The following GPSM1 variants were observed in gnomAD, a reference collection of about 807,000 sequenced individuals.
GPSM1 encodes the protein G protein signaling modulator 1, also known as G protein-signaling modulator 1.
GPSM1 carries 48 observed loss-of-function variants against 70.5 expected under a neutral mutation model. That is an observed-to-expected ratio of 0.68 (90% CI 0.54 to 0.87). The LOEUF (loss-of-function observed/expected upper bound fraction) is 0.87, where lower values mean the gene tolerates loss of function less well. Ranked by LOEUF, GPSM1 falls within the 40% of genes least tolerant of loss-of-function variation. GPSM1 has a pLI of 0.00. For missense variants in GPSM1, 981 were observed against 972.6 expected (o/e 1.01, Z -0.11); for synonymous variants, 416 against 430.1 (o/e 0.97, Z 0.41).
At chr9:136,334,706 G>A (rs1554768957) in intron 2 of GPSM1, 38 bp downstream of exon 2, 4 of 1,531,806 alleles carry the variant, frequency 2.6e-6, no homozygotes, top group African/African-American at 2.8e-5. Flanking sequence ...TGAGTGGGGC[G>A]GCCCTGCTGG....
intron 12 of GPSM1, 43 bp downstream of exon 12, chr9:136,355,889 C>T (rs782511998): frequency 2.6e-6 from 4 of 1,521,910 alleles, no homozygotes; most frequent in Non-Finnish European, 3.6e-6. Flanking sequence ...GGCTTGTCTG[C>T]AGGGGCCAGG....
At chr9:136,357,164 C>T (rs1262998558) in intron 13 of GPSM1, among the ~76,000 whole-genome samples, 1 of 152,208 alleles carries the variant, frequency 6.6e-6, no homozygotes, top group Non-Finnish European at 1.5e-5. Context: ...CAACTGCTAT[C>T]CCAACTAGGA....
At chr9:136,347,173 C>T (rs782493384) in intron 9 of GPSM1, among the ~76,000 whole-genome samples, 3 of 152,092 alleles carry the variant, frequency 2.0e-5, no homozygotes, top group Non-Finnish European at 2.9e-5. Flanking sequence ...CTGCCCGGCC[C>T]GGCCCATCCA....
At chr9:136,345,173 G>A (rs1272813552) in intron 9 of GPSM1, among the ~76,000 whole-genome samples, 1 of 152,212 alleles carries the variant, frequency 6.6e-6, no homozygotes, top group South Asian at 2.1e-4. Context: ...GGCACAGGGG[G>A]CACCAAGATG....
Position 136,358,126 on chromosome 9 carries a change from T to C in GPSM1, c.1934T>C (p.Met645Thr), listed in dbSNP as rs782545530. The C allele has an allele frequency of 1.4e-5, 22 of 1,611,512 alleles. No homozygotes were observed. Among genetic ancestry groups the C allele is most frequent in the East Asian group, 2.2e-5 (1 of 44,850 alleles). Residue 645 changes from methionine (M) to threonine (T), a missense_variant, in exon 14 of 14, where the codon ATG becomes ACG. Met to Thr is a moderately conservative substitution (Grantham distance 81). Coordinates refer to ENST00000440944, the MANE Select transcript of GPSM1 (RefSeq NM_001145638.3). ...ATTCAGAGGGTGCAGGCTAAGCGCA[T>C]GGACGAGCAGCGGGTGGACCTCGCC... ...SLIQRVQAKR[M>T]DEQRVDLAGG...
Position 136,342,526 on chromosome 9 carries a change from G to A in GPSM1, c.1207+1533G>A, listed in dbSNP as rs1554770479. Among the ~76,000 whole-genome samples the A allele has an allele frequency of 6.6e-6, 1 of 152,120 alleles. No individual in the cohort carries two copies. The highest frequency in any genetic ancestry group is 2.4e-5 in the African/African-American group (1 of 41,442). ...GGGAAGGGTCCTCCTCCCCGCCCAG[G>A]GCAGCCCGGCAGCCTGGCTGGGGCC... On this transcript the variant is annotated intron_variant, in intron 9 of 13. Transcript: ENST00000440944. The surrounding 1 kb of genome is among the most constrained non-coding windows in gnomAD (Gnocchi z 5.5).
chr9:136,327,975 G>A (rs1239087509), intron 1 of GPSM1, among the ~76,000 whole-genome samples: 1 of 144,554 alleles, frequency 6.9e-6, no homozygotes, highest in African/African-American at 2.9e-5. Flanking sequence ...CAAGGGGAAG[G>A]GGGTGGGGGG....
intron 9 of GPSM1, among the ~76,000 whole-genome samples, chr9:136,348,477 C>T (rs1484552432): frequency 1.3e-5 from 2 of 152,230 alleles, no homozygotes; most frequent in Non-Finnish European, 2.9e-5. Context: ...CTGGCCCCAG[C>T]CAGGACGCGC....
chr9:136,349,520 C>T, intron 10 of GPSM1, 67 bp from the exon 11 acceptor site: 1 of 1,410,830 alleles, frequency 7.1e-7, no homozygotes, highest in Non-Finnish European at 9.6e-7. Flanking sequence ...GCCTTCCCTT[C>T]AGGGTCCTGG....
intron 9 of GPSM1, among the ~76,000 whole-genome samples, chr9:136,348,047 A>C (rs1335562852): frequency 6.6e-6 from 1 of 152,166 alleles, no homozygotes; most frequent in Non-Finnish European, 1.5e-5. Flanking sequence ...GTGTTGGGTC[A>C]GGCAGCTGTG....
At chr9:136,354,628 C>G (rs1295763830) in intron 11 of GPSM1, among the ~76,000 whole-genome samples, 1 of 152,230 alleles carries the variant, frequency 6.6e-6, no homozygotes, top group African/African-American at 2.4e-5. Context: ...CACCCTTCAG[C>G]CCTGGGGCCC....
chr9:136,334,295 G>T (rs1461742661), intron 1 of GPSM1, among the ~76,000 whole-genome samples, 152 bp from the exon 2 acceptor site: 2 of 152,260 alleles, frequency 1.3e-5, no homozygotes, highest in Non-Finnish European at 2.9e-5. Context: ...TTCCAGGCCT[G>T]TATCCCAAAG....
chr9:136,341,610 G>A lies in GPSM1; in HGVS notation c.1207+617G>A, dbSNP rs1260444652. 9.8e-7 allele frequency: 1 copy of A among 1,016,034 alleles called. No individual in the cohort carries two copies. The highest frequency in any genetic ancestry group is 1.2e-6 in the Non-Finnish European group (1 of 848,008). 62.9% of individuals were successfully genotyped at this position (1,016,034 alleles called of 1,614,324 possible). ...GACTTCCTGAGGTGGCTGGCAGGTGGGTGAGGGGCAGGCTTGGGGGGAGCA... is the reference window on the plus strand; with the variant it reads ...GACTTCCTGAGGTGGCTGGCAGGTGAGTGAGGGGCAGGCTTGGGGGGAGCA... On this transcript the variant is annotated intron_variant, in intron 9 of 13. Transcript: ENST00000440944. This position sits in a 1 kb window ranked among gnomAD's most constrained non-coding sequence, Gnocchi z 6.7.
At chr9:136,354,817 G>T in intron 11 of GPSM1, 1 of 993,842 alleles carries the variant, frequency 1.0e-6, no homozygotes, top group Non-Finnish European at 1.2e-6. Flanking sequence ...GCTGTGTAGG[G>T]CATGGACACA....
intron 13 of GPSM1, among the ~76,000 whole-genome samples, chr9:136,356,877 G>A (rs1358243324): frequency 6.6e-6 from 1 of 152,178 alleles, no homozygotes; most frequent in Admixed American, 6.5e-5. Context: ...CATGGCCTCA[G>A]GGATTCCCCA....
chr9:136,354,771 C>T (rs1306101907), intron 11 of GPSM1: 33 of 963,804 alleles, frequency 3.4e-5, no homozygotes, highest in Admixed American at 6.2e-5. Flanking sequence ...GGGGTTCATT[C>T]CTTCGAGTTC....
At chr9:136,338,803 C>T (rs782061686) in intron 7 of GPSM1, 93 bp downstream of exon 7, 3 of 1,252,180 alleles carry the variant, frequency 2.4e-6, no homozygotes, top group Non-Finnish European at 3.3e-6. Flanking sequence ...CCATCCCCTG[C>T]TCTGCCACTG....
In GPSM1 at chr9:136,356,428, C is replaced by T. The variant is rs868912036; in HGVS notation, c.1699C>T (p.Arg567Trp). The T allele has an allele frequency of 1.4e-5, 22 of 1,610,316 alleles. No homozygotes were observed. Among genetic ancestry groups the T allele is most frequent in the Non-Finnish European group, 1.7e-5 (20 of 1,178,508 alleles). ...CCAGAGCCGCCGGCTGGACGACCAG[C>T]GGGCCAGCGTGGGCAGCCTGCCGGG... ...SSQSRRLDDQ[R>W]ASVGSLPGLR... The change falls in exon 13 of 14, where the codon CGG becomes TGG. Residue 567 changes from arginine (R) to tryptophan (W), a missense_variant. Transcript: ENST00000440944.
intron 12 of GPSM1, 139 bp from the exon 13 acceptor site, chr9:136,356,203 A>C: frequency 1.4e-6 from 1 of 701,556 alleles, no homozygotes; most frequent in South Asian, 2.0e-5. Flanking sequence ...CGGTCAGCGG[A>C]GACTCCCCCA....
Sources: allele counts gnomAD v4.1 joint callset (sites outside exome capture counted in the v4.1 genomes callset), GRCh38; gene constraint gnomAD v4.1.1; non-coding constraint Gnocchi (gnomAD v3.1); transcripts MANE v1.5; gene names NCBI Gene and HGNC (gene_info 2026-07-23, HGNC 2026-07-21).